BNC2: variants seen among roughly 807,000 people sequenced by gnomAD.
The protein encoded by BNC2 is zinc finger protein basonuclin-2.
Under a neutral mutation model 76.3 loss-of-function variants are expected in BNC2, and 20 were observed. That is an observed-to-expected ratio of 0.26 (90% CI 0.18 to 0.38). The LOEUF is 0.38. Among genes scored for constraint, BNC2 ranks in the 10% least tolerant of loss-of-function variants. The pLI is 1.00. For missense variants in BNC2, 1,382 were observed against 1,399.8 expected, an observed-to-expected ratio of 0.99 and a Z score of 0.20; for synonymous variants, 582 against 514.8, an observed-to-expected ratio of 1.13 and a Z score of -1.77.
At chr9:16,591,521 G>T (rs996397631) in intron 3 of BNC2, among the ~76,000 whole-genome samples, 1 of 152,130 alleles carries the variant, frequency 6.6e-6, no homozygotes, top group Non-Finnish European at 1.5e-5. Flanking sequence ...TTTTAGTAAG[G>T]TGGGTATGTT....
chr9:16,730,200 T>C (rs1824466083), intron 2 of BNC2, among the ~76,000 whole-genome samples: 1 of 152,166 alleles, frequency 6.6e-6, no homozygotes, highest in Admixed American at 6.5e-5. Flanking sequence ...CTGCAAGACT[T>C]GAAATTCCCC....
intron 3 of BNC2, among the ~76,000 whole-genome samples, chr9:16,681,652 C>T (rs1432461233): frequency 6.6e-6 from 1 of 152,170 alleles, no homozygotes; most frequent in Non-Finnish European, 1.5e-5. Context: ...CTCTACCCCT[C>T]CCTTCCCCCA....
chr9:16,476,500 CA>C (rs2131441263), intron 5 of BNC2, among the ~76,000 whole-genome samples: 1 of 151,656 alleles, frequency 6.6e-6, no homozygotes, highest in African/African-American at 2.4e-5. Flanking sequence ...CTCACTTTGT[CA>C]AGGAAGTGAT....
chr9:16,421,521 A>G (rs1820709943), intron 6 of BNC2, among the ~76,000 whole-genome samples: 1 of 152,214 alleles, frequency 6.6e-6, no homozygotes, highest in South Asian at 2.1e-4. Flanking sequence ...TCCAAAAATC[A>G]TAAATCGAAT....
intron 3 of BNC2, among the ~76,000 whole-genome samples, chr9:16,659,345 C>T (rs1018904786): frequency 1.3e-5 from 2 of 152,136 alleles, no homozygotes; most frequent in Non-Finnish European, 2.9e-5. Flanking sequence ...GGCACAGTGG[C>T]TCACGCGTAA....
intron 5 of BNC2, among the ~76,000 whole-genome samples, chr9:16,489,812 G>A (rs1290244980): frequency 2.0e-5 from 3 of 152,148 alleles, no homozygotes; most frequent in Non-Finnish European, 4.4e-5. Context: ...ATATGTTCAG[G>A]TGACTCAAAA....
intron 2 of BNC2, among the ~76,000 whole-genome samples, chr9:16,734,843 G>A (rs966391123): frequency 9.2e-5 from 14 of 152,164 alleles, no homozygotes; most frequent in African/African-American, 3.1e-4. Context: ...TAAGGTTGGA[G>A]GAGGACACAG....
intron 5 of BNC2, among the ~76,000 whole-genome samples, chr9:16,532,889 T>C (rs1818025560): frequency 6.6e-6 from 1 of 152,182 alleles, no homozygotes; most frequent in African/African-American, 2.4e-5. Flanking sequence ...CATGGGATAT[T>C]TTCACCAGAG....
At chr9:16,738,545 G>A in intron 1 of BNC2, 60 bp from the exon 2 acceptor site, 6 of 1,506,358 alleles carry the variant, frequency 4.0e-6, no homozygotes, top group Non-Finnish European at 5.3e-6. Context: ...TAAAAGCATT[G>A]AGTACATCAA....
At chr9:16,564,117 T>C (rs919336200) in intron 4 of BNC2, among the ~76,000 whole-genome samples, 28 of 152,078 alleles carry the variant, frequency 1.8e-4, no homozygotes, top group African/African-American at 6.8e-4. Flanking sequence ...AAGCAACAAT[T>C]TCATGTTTCC....
chr9:16,412,262 T>G lies in BNC2; in HGVS notation c.*6727A>C, dbSNP rs940711666. ...AAAGTTAATCTATCATGTTACACTATGGATTTGGAGGGGTCATTGAAAGAT... is the reference window on the plus strand; with the variant it reads ...AAAGTTAATCTATCATGTTACACTAGGGATTTGGAGGGGTCATTGAAAGAT... On this transcript the variant is annotated 3_prime_UTR_variant, in exon 7 of 7. Transcript: ENST00000380672. 7.9e-5 allele frequency: 12 copies of G among 152,588 alleles called. No homozygotes were observed. The highest frequency in any genetic ancestry group is 1.3e-4 in the Non-Finnish European group (9 of 68,036). The allele number at this position is 152,588 out of a possible 1,614,324, so 9.5% of individuals were successfully genotyped here. A position where few individuals can be genotyped will look rare whatever the true frequency, so the allele number is the denominator to read the frequency against.
At position 16,736,127 on chromosome 9, in the gene BNC2, G is replaced by A. The variant is rs1463076542; in HGVS notation, c.129+2233C>T. Among the ~76,000 whole-genome samples, 28 of 151,452 alleles carry A rather than the reference G, an allele frequency of 1.8e-4. 1 individual carries two copies. The highest frequency in any genetic ancestry group is 1.6e-3 in the Admixed American group (25 of 15,224). On this transcript the variant is annotated intron_variant, in intron 2 of 6. Coordinates refer to ENST00000380672, the MANE Select transcript of BNC2 (RefSeq NM_017637.6). ...CGCATGCCTGTAATCCCAGCTACTC[G>A]GGAAGCTGAGGCAGGAGAATCACTT... is the stretch of plus-strand genomic sequence containing the variant.
intron 5 of BNC2, among the ~76,000 whole-genome samples, chr9:16,473,950 A>G (rs1189348008): frequency 6.6e-6 from 1 of 152,200 alleles, no homozygotes; most frequent in Non-Finnish European, 1.5e-5. Context: ...TTTCAGATCC[A>G]CTGGGCAATG....
chr9:16,504,414 T>A (rs1392838116), intron 5 of BNC2, among the ~76,000 whole-genome samples: 1 of 150,982 alleles, frequency 6.6e-6, no homozygotes, highest in Non-Finnish European at 1.5e-5. Flanking sequence ...CTATTCCAAA[T>A]GATACAAGAT....
chr9:16,460,990 C>G (rs184198363), intron 5 of BNC2, among the ~76,000 whole-genome samples: 1 of 151,568 alleles, frequency 6.6e-6, no homozygotes. Context: ...ACCAAGACGG[C>G]AGACAAGATA....
intron 1 of BNC2, among the ~76,000 whole-genome samples, chr9:16,818,052 C>G (rs1212006873): frequency 6.6e-6 from 1 of 151,932 alleles, no homozygotes; most frequent in Non-Finnish European, 1.5e-5. Context: ...AAAATTAATA[C>G]AATGTGAAAT....
chr9:16,604,188 A>T (rs1820317363), intron 3 of BNC2, among the ~76,000 whole-genome samples: 1 of 152,144 alleles, frequency 6.6e-6, no homozygotes, highest in Non-Finnish European at 1.5e-5. Flanking sequence ...AACCAATACA[A>T]AGCAAACATC....
At chr9:16,712,388 G>A (rs1223232361) in intron 3 of BNC2, among the ~76,000 whole-genome samples, 5 of 152,100 alleles carry the variant, frequency 3.3e-5, no homozygotes, top group Non-Finnish European at 7.4e-5. Flanking sequence ...ATATTTGTGG[G>A]AAATAATGGG....
intron 3 of BNC2, among the ~76,000 whole-genome samples, chr9:16,587,240 G>A (rs1819797972): frequency 6.9e-6 from 1 of 144,134 alleles, no homozygotes; most frequent in Non-Finnish European, 1.5e-5. Context: ...AAGAGACAGA[G>A]TCTAGCTCTG....
Sources: allele counts gnomAD v4.1 joint callset (sites outside exome capture counted in the v4.1 genomes callset), GRCh38; gene constraint gnomAD v4.1.1; transcripts MANE v1.5; gene names NCBI Gene and HGNC (gene_info 2026-07-23, HGNC 2026-07-21).